CCDC171: variants seen among roughly 807,000 people sequenced by gnomAD.
The protein encoded by CCDC171 is coiled-coil domain-containing protein 171.
A neutral mutation model predicts 168.2 loss-of-function variants in CCDC171; 177 were observed. The ratio of observed to expected loss-of-function variants is 1.05; its 90% CI spans 0.93 to 1.19. CCDC171 has a LOEUF of 1.19. CCDC171 is among the 50% of genes most tolerant of loss of function. The pLI, the probability that CCDC171 is intolerant of heterozygous loss-of-function variation, is 0.00. For missense variants in CCDC171, 1,991 were observed against 1,539.0 expected, an observed-to-expected ratio of 1.29 and a Z score of -4.91; for synonymous variants, 687 against 540.8, an observed-to-expected ratio of 1.27 and a Z score of -3.75.
chr9:15,731,327 A>G (rs1245537749), intron 16 of CCDC171, among the ~76,000 whole-genome samples: 2 of 152,004 alleles, frequency 1.3e-5, no homozygotes, highest in African/African-American at 4.8e-5. Flanking sequence ...AAACATTTTC[A>G]TTACCCTAGA....
At chr9:16,006,813 T>A (rs948502393) in intron 3 of CCDC171, among the ~76,000 whole-genome samples, 8 of 152,256 alleles carry the variant, frequency 5.3e-5, no homozygotes, top group African/African-American at 1.9e-4. Flanking sequence ...TGCCACATTT[T>A]CTTAATGCAG....
intron 6 of CCDC171, among the ~76,000 whole-genome samples, chr9:16,030,013 C>G (rs373829989): frequency 3.3e-5 from 5 of 152,144 alleles, no homozygotes; most frequent in Non-Finnish European, 7.3e-5. Context: ...ATTGATAGCA[C>G]CTTTTGTTTG....
At chr9:16,055,071 G>C (rs11998898) in intron 1 of CCDC171, among the ~76,000 whole-genome samples, 4,741 of 152,258 alleles carry the variant, frequency 0.031, 259 homozygotes, top group African/African-American at 0.11. Flanking sequence ...AGGATTTGAG[G>C]AATTTAATGA....
intron 1 of CCDC171, among the ~76,000 whole-genome samples, chr9:16,052,544 C>G (rs1175905312): frequency 6.6e-6 from 1 of 152,166 alleles, no homozygotes; most frequent in Admixed American, 6.5e-5. Flanking sequence ...ACTCACTGAT[C>G]TGCATTATAT....
the CCDC171 span, among the ~76,000 whole-genome samples, chr9:16,093,318 C>A: frequency 6.6e-6 from 1 of 152,194 alleles, no homozygotes; most frequent in African/African-American, 2.4e-5. Flanking sequence ...GCCAACCTAC[C>A]TGATACTGAC....
At chr9:15,811,299 C>A (rs1046821937) in intron 21 of CCDC171, among the ~76,000 whole-genome samples, 1 of 152,162 alleles carries the variant, frequency 6.6e-6, no homozygotes, top group Non-Finnish European at 1.5e-5. Context: ...CCTTTGAAGG[C>A]AAAAACTATA....
chr9:15,829,150 A>G (rs1326425760), intron 21 of CCDC171, among the ~76,000 whole-genome samples: 2 of 152,232 alleles, frequency 1.3e-5, no homozygotes, highest in African/African-American at 2.4e-5. Context: ...AGATTAGAAA[A>G]TTAATGCTCA....
At chr9:15,938,062 C>A (rs1827302509) in intron 25 of CCDC171, among the ~76,000 whole-genome samples, 1 of 151,842 alleles carries the variant, frequency 6.6e-6, no homozygotes, top group African/African-American at 2.4e-5. Flanking sequence ...TTGCCAGATA[C>A]TGAAGAGACA....
chr9:16,020,102 G>C (rs1833121620), intron 3 of CCDC171, among the ~76,000 whole-genome samples: 1 of 152,118 alleles, frequency 6.6e-6, no homozygotes, highest in Non-Finnish European at 1.5e-5. Context: ...AAATCCAAAA[G>C]CTCCATAATC....
At chr9:15,643,817 CAT>C (rs922653688) in intron 7 of CCDC171, among the ~76,000 whole-genome samples, 2 of 152,180 alleles carry the variant, frequency 1.3e-5, no homozygotes, top group African/African-American at 4.8e-5. Flanking sequence ...TCAATGAAAT[CAT>C]ACAGCATGTG....
intron 11 of CCDC171, among the ~76,000 whole-genome samples, chr9:15,697,977 C>T (rs1441137586): frequency 2.0e-5 from 3 of 152,128 alleles, no homozygotes; most frequent in Admixed American, 1.3e-4. Context: ...ATACCAGTCA[C>T]CTTGAACATT....
intron 11 of CCDC171, among the ~76,000 whole-genome samples, chr9:15,709,675 CTA>C (rs963771524): frequency 2.6e-5 from 4 of 151,876 alleles, no homozygotes; most frequent in African/African-American, 9.7e-5. Context: ...ATTTTTAAAA[CTA>C]TAAGAATAAA....
At chr9:16,078,563 T>C in the CCDC171 span, among the ~76,000 whole-genome samples, 2 of 152,162 alleles carry the variant, frequency 1.3e-5, no homozygotes, top group African/African-American at 4.8e-5. Context: ...GTGATTTGAT[T>C]TGACAGATAC....
At chr9:15,809,631 C>G (rs1199200980) in intron 21 of CCDC171, among the ~76,000 whole-genome samples, 2 of 149,090 alleles carry the variant, frequency 1.3e-5, no homozygotes, top group South Asian at 2.1e-4. Context: ...TTCTTCCTGT[C>G]CGGAGTTGTT....
rs371508341 is a variant in CCDC171 at position 15,888,949 on chromosome 9, C to CTTTTTTTTTTTTT, written c.3600+14300_3600+14312dup. ...ATGGTATATGCCTCATTTTTCTTTT[C>CTTTTTTTTTTTTT]TTTTTTTTTTTTTTTTTTTTTTTTT... On this transcript the variant is annotated intron_variant, in intron 24 of 25. Coordinates refer to ENST00000380701, the MANE Select transcript of CCDC171 (RefSeq NM_173550.4). The CTTTTTTTTTTTTT allele has an allele frequency of 2.2e-4, 16 of 73,318 alleles. 4 individuals carry two copies. The highest frequency in any genetic ancestry group is 4.8e-4 in the East Asian group (1 of 2,090). The allele number at this position is 73,318 out of a possible 1,614,324, so 4.5% of individuals were successfully genotyped here. A position where few individuals can be genotyped will look rare whatever the true frequency, so the allele number is the denominator to read the frequency against.
At chr9:16,093,289 T>G in the CCDC171 span, among the ~76,000 whole-genome samples, 1 of 152,062 alleles carries the variant, frequency 6.6e-6, no homozygotes, top group East Asian at 1.9e-4. Flanking sequence ...CCTGGTGGAG[T>G]CCCAGTCCTC....
intron 7 of CCDC171, among the ~76,000 whole-genome samples, chr9:15,635,140 T>G (rs2046102647): frequency 6.6e-6 from 1 of 152,112 alleles, no homozygotes; most frequent in African/African-American, 2.4e-5. Flanking sequence ...GAGAATTGAC[T>G]TACACTATCA....
At chr9:16,041,541 C>A (rs1564132051), upstream of CCDC171, among the ~76,000 whole-genome samples, 1 of 152,106 alleles carries the variant, frequency 6.6e-6, no homozygotes, top group African/African-American at 2.4e-5. Context: ...TGATCTGAAC[C>A]AGGTGTCTGA....
chr9:15,834,393 CATT>C (rs1217281875), intron 21 of CCDC171, among the ~76,000 whole-genome samples: 1 of 152,134 alleles, frequency 6.6e-6, no homozygotes, highest in Non-Finnish European at 1.5e-5. Flanking sequence ...TATTCTAAAT[CATT>C]ATACCTTTCT....
Sources: allele counts gnomAD v4.1 joint callset (sites outside exome capture counted in the v4.1 genomes callset), GRCh38; gene constraint gnomAD v4.1.1; transcripts MANE v1.5; gene names NCBI Gene and HGNC (gene_info 2026-07-23, HGNC 2026-07-21).